PSMG4: variants seen among roughly 807,000 people sequenced by gnomAD.
PSMG4 encodes the protein proteasome (prosome, macropain) assembly chaperone 4.
Under a neutral mutation model 11.0 loss-of-function variants are expected in PSMG4, and 10 were observed. The ratio of observed to expected loss-of-function variants is 0.91; its 90% CI spans 0.56 to 1.54. The LOEUF is 1.54. Among genes scored for constraint, PSMG4 ranks in the 40% most tolerant of loss-of-function variants. The pLI is 0.00. For synonymous variants in PSMG4, 95 were observed against 71.3 expected, an observed-to-expected ratio of 1.33 and a Z score of -1.68; for missense variants, 198 against 160.9, an observed-to-expected ratio of 1.23 and a Z score of -1.25.
At chr6:3,254,423 T>A (rs140735131), upstream of PSMG4, among the ~76,000 whole-genome samples, 2 of 149,444 alleles carry the variant, frequency 1.3e-5, no homozygotes, top group East Asian at 4.0e-4. Flanking sequence ...TCTGAGGAGG[T>A]ATGGCTTTGT....
chr6:3,260,292 T>TATATATATATATATATA (rs1554129658), intron 1 of PSMG4, among the ~76,000 whole-genome samples: 2 of 12,642 alleles, frequency 1.6e-4, no homozygotes, highest in African/African-American at 3.7e-4. Context: ...TATATATATA[T>TATATATATATATATATA]TTTTTTTTTT....
At chr6:3,254,760 A>C (rs1479498451), upstream of PSMG4, among the ~76,000 whole-genome samples, 1 of 152,190 alleles carries the variant, frequency 6.6e-6, no homozygotes, top group Admixed American at 6.5e-5. Context: ...TAAAAACTGT[A>C]ATGCTCACCT....
At chr6:3,254,662 T>G (rs899560158), upstream of PSMG4, among the ~76,000 whole-genome samples, 2 of 152,114 alleles carry the variant, frequency 1.3e-5, no homozygotes, top group African/African-American at 4.8e-5. Flanking sequence ...CTTTGTTCCT[T>G]CAAGCTGCGA....
chr6:3,262,098 C>T (rs1055576468), intron 1 of PSMG4, among the ~76,000 whole-genome samples: 1 of 152,150 alleles, frequency 6.6e-6, no homozygotes, highest in Non-Finnish European at 1.5e-5. Context: ...GGACTAGTGA[C>T]ACTGAGTCCT....
At chr6:3,264,577 C>G (rs987686322) in intron 2 of PSMG4, 1 of 545,058 alleles carries the variant, frequency 1.8e-6, no homozygotes, top group African/African-American at 1.9e-5. Context: ...GGTGGAGTGT[C>G]ACCAGCAGGC....
Position 3,267,807 on chromosome 6 carries a change from T to C in PSMG4, c.*95T>C. ...GTTTGTCATCAGGCCGCGCTCCCGT[T>C]TTGTTTTTAAGGGGTTAATCTTTTG... On this transcript the variant is annotated 3_prime_UTR_variant, in exon 3 of 3. Transcript: ENST00000438998. 7.4e-7 allele frequency: 1 copy of C among 1,347,612 alleles called. No homozygotes were observed. The highest frequency in any genetic ancestry group is 2.6e-5 in the East Asian group (1 of 38,336). The allele number at this position is 1,347,612 out of a possible 1,614,324, so 83.5% of individuals were successfully genotyped here. A position where few individuals can be genotyped will look rare whatever the true frequency, so the allele number is the denominator to read the frequency against.
chr6:3,254,963 G>A, upstream of PSMG4: 1 of 1,402,116 alleles, frequency 7.1e-7, no homozygotes, highest in Non-Finnish European at 9.6e-7. Flanking sequence ...GTGTTGCAGA[G>A]CATGTGATGT....
At chr6:3,266,588 C>CTT (rs1254501671) in intron 2 of PSMG4, 1 of 152,198 alleles carries the variant, frequency 6.6e-6, no homozygotes, top group African/African-American at 2.4e-5. Flanking sequence ...AGGATATTGG[C>CTT]TTTCAGATTC....
upstream of PSMG4, chr6:3,258,780 G>A (rs1041295986): frequency 3.0e-5 from 11 of 366,456 alleles, no homozygotes; most frequent in Non-Finnish European, 4.4e-5. Flanking sequence ...TGGTGTGCGG[G>A]AGAGGCCAGC....
chr6:3,263,213 G>A (rs997404480), intron 1 of PSMG4, among the ~76,000 whole-genome samples: 1 of 152,224 alleles, frequency 6.6e-6, no homozygotes, highest in Non-Finnish European at 1.5e-5. Flanking sequence ...ACAGGGGCTG[G>A]AGCAGCATGC....
intron 1 of PSMG4, among the ~76,000 whole-genome samples, chr6:3,262,073 C>T (rs925716567): frequency 3.3e-5 from 5 of 152,132 alleles, no homozygotes; most frequent in East Asian, 1.9e-4. Flanking sequence ...ATTTTTGGTG[C>T]CCAGAGAGGC....
At chr6:3,254,918 C>G (rs898379149), upstream of PSMG4, 12 of 972,196 alleles carry the variant, frequency 1.2e-5, no homozygotes, top group East Asian at 7.9e-5. Context: ...TGAGCTGGTG[C>G]TTCAGCCATT....
chr6:3,261,893 A>G (rs1301308183), intron 1 of PSMG4, among the ~76,000 whole-genome samples: 3 of 152,168 alleles, frequency 2.0e-5, no homozygotes, highest in Non-Finnish European at 2.9e-5. Flanking sequence ...TAAAGCCTGA[A>G]CTAGTTACTA....
upstream of PSMG4, among the ~76,000 whole-genome samples, chr6:3,254,828 TG>T (rs1561836318): frequency 6.6e-6 from 1 of 152,198 alleles, no homozygotes; most frequent in Non-Finnish European, 1.5e-5. Context: ...CTGGACACAG[TG>T]GGACCTTAGA....
At chr6:3,257,948 G>A (rs1039726859), upstream of PSMG4, among the ~76,000 whole-genome samples, 2 of 152,174 alleles carry the variant, frequency 1.3e-5, no homozygotes, top group Non-Finnish European at 2.9e-5. Flanking sequence ...ATAGAACTAT[G>A]GAAAATGCCC....
upstream of PSMG4, chr6:3,255,149 A>G (rs1027412297): frequency 5.8e-6 from 9 of 1,550,852 alleles, no homozygotes; most frequent in Admixed American, 1.2e-4. Context: ...CTCTTTGAGG[A>G]GCAGGGCCAT....
At chr6:3,267,529 T>C in intron 2 of PSMG4, 62 bp from the exon 3 acceptor site, 1 of 1,533,358 alleles carries the variant, frequency 6.5e-7, no homozygotes, top group Non-Finnish European at 8.8e-7. Context: ...CACGTGGCTG[T>C]GAGGAACACG....
At chr6:3,264,101 G>T (rs1326238089) in intron 2 of PSMG4, 3 of 1,499,634 alleles carry the variant, frequency 2.0e-6, no homozygotes, top group Non-Finnish European at 2.7e-6. Context: ...CCTGTGGGTG[G>T]TGGCTCAAGG....
chr6:3,254,934 A>C (rs1289048609), upstream of PSMG4: 27 of 1,175,910 alleles, frequency 2.3e-5, no homozygotes, highest in Non-Finnish European at 2.9e-5. Context: ...CCATTCTCTC[A>C]CTGGGTGTCA....
Sources: gnomAD v4.1 joint callset for allele counts (sites outside exome capture counted in the v4.1 genomes callset) on GRCh38, gnomAD v4.1.1 for gene constraint, MANE v1.5 for transcripts, NCBI Gene and HGNC (gene_info 2026-07-23, HGNC 2026-07-21) for gene names.